SEMA5A: variants seen among roughly 807,000 people sequenced by gnomAD.
SEMA5A encodes semaphorin-5A.
Under a neutral mutation model 135.5 loss-of-function variants are expected in SEMA5A, and 55 were observed. That is an observed-to-expected ratio of 0.41 (90% confidence interval 0.33 to 0.51). The LOEUF is 0.51. SEMA5A is among the 20% of genes least tolerant of loss of function. The pLI is 0.37. For synonymous variants in SEMA5A, 580 were observed against 546.5 expected (o/e 1.06, Z -0.85); for missense variants, 1,290 against 1,419.9 (o/e 0.91, Z 1.47).
At chr5:9,276,893 T>C (rs112817082) in intron 5 of SEMA5A, among the ~76,000 whole-genome samples, 2 of 152,118 alleles carry the variant, frequency 1.3e-5, no homozygotes, top group African/African-American at 2.4e-5. Context: ...ATGCAGGACA[T>C]AGGCATGGGC....
intron 16 of SEMA5A, among the ~76,000 whole-genome samples, chr5:9,104,705 G>A (rs1739811895): frequency 6.6e-6 from 1 of 152,168 alleles, no homozygotes. Flanking sequence ...GTGACTCAGA[G>A]GCAGAGCCCC....
chr5:9,497,517 C>A (rs886619394), intron 1 of SEMA5A, among the ~76,000 whole-genome samples: 1 of 152,138 alleles, frequency 6.6e-6, no homozygotes, highest in African/African-American at 2.4e-5. Flanking sequence ...TGAGACTTGA[C>A]GTCGAGTGGC....
intron 3 of SEMA5A, among the ~76,000 whole-genome samples, chr5:9,377,696 A>G (rs940311886): frequency 1.3e-5 from 2 of 152,220 alleles, no homozygotes; most frequent in East Asian, 3.8e-4. Flanking sequence ...GATTTTGTGC[A>G]AGGAAGAAAT....
intron 3 of SEMA5A, among the ~76,000 whole-genome samples, chr5:9,353,354 G>GGGAAGGGAAGGAAAGGAAAGGA (rs1754288041): frequency 1.8e-5 from 1 of 54,366 alleles, no homozygotes; most frequent in Non-Finnish European, 3.6e-5. Context: ...AAAGGAAAGG[G>GGGAAGGGAAGGAAAGGAAAGGA]AAGGAAAGGA....
At chr5:9,402,462 C>A (rs139396307) in intron 2 of SEMA5A, among the ~76,000 whole-genome samples, 8 of 151,972 alleles carry the variant, frequency 5.3e-5, no homozygotes, top group African/African-American at 1.7e-4. Context: ...TACTAATCTT[C>A]GGTAATTCTC....
At chr5:9,088,770 C>G (rs1032870452) in intron 16 of SEMA5A, among the ~76,000 whole-genome samples, 4 of 151,552 alleles carry the variant, frequency 2.6e-5, no homozygotes, top group African/African-American at 9.7e-5. Flanking sequence ...AGGCACTGGG[C>G]TAATTAGTAT....
intron 1 of SEMA5A, among the ~76,000 whole-genome samples, chr5:9,498,066 G>A (rs1041830919): frequency 1.1e-4 from 17 of 152,144 alleles, no homozygotes; most frequent in African/African-American, 3.9e-4. Context: ...TGTATACTAC[G>A]ATGTTTTGAT....
chr5:9,531,387 A>G (rs1262361529), intron 1 of SEMA5A, among the ~76,000 whole-genome samples: 1 of 152,152 alleles, frequency 6.6e-6, no homozygotes, highest in East Asian at 1.9e-4. Context: ...GTGGCTGTGT[A>G]CCCTGAGCTG....
chr5:9,418,123 C>T (rs941948378), intron 2 of SEMA5A, among the ~76,000 whole-genome samples: 27 of 152,054 alleles, frequency 1.8e-4, no homozygotes, highest in Non-Finnish European at 1.5e-5. Context: ...ACTACAGGTG[C>T]CCGCTACCAT....
chr5:9,465,493 T>C (rs569770899), intron 1 of SEMA5A, among the ~76,000 whole-genome samples: 3 of 152,306 alleles, frequency 2.0e-5, no homozygotes, highest in East Asian at 3.9e-4. Context: ...GGATGGAAAG[T>C]AATTGGGATA....
chr5:9,386,828 C>A (rs1192724011), intron 2 of SEMA5A, among the ~76,000 whole-genome samples: 2 of 152,194 alleles, frequency 1.3e-5, no homozygotes, highest in Non-Finnish European at 2.9e-5. Flanking sequence ...GAATTGGCTG[C>A]CTGAATGAAC....
At chr5:9,369,063 T>G (rs547496176) in intron 3 of SEMA5A, among the ~76,000 whole-genome samples, 2 of 152,338 alleles carry the variant, frequency 1.3e-5, no homozygotes, top group East Asian at 3.9e-4. Context: ...TGCCAACACT[T>G]GGTATTGTCA....
At chr5:9,496,732 C>A (rs964964966) in intron 1 of SEMA5A, among the ~76,000 whole-genome samples, 1 of 152,268 alleles carries the variant, frequency 6.6e-6, no homozygotes, top group Non-Finnish European at 1.5e-5. Flanking sequence ...AAAAAAATGA[C>A]CATCCTGGAG....
intron 1 of SEMA5A, among the ~76,000 whole-genome samples, chr5:9,539,174 G>A (rs532376440): frequency 2.2e-4 from 33 of 152,270 alleles, no homozygotes; most frequent in African/African-American, 7.9e-4. Context: ...TTATGGGTTT[G>A]CCTTTTCTGG....
intron 1 of SEMA5A, among the ~76,000 whole-genome samples, chr5:9,538,259 C>CTT (rs67571454): frequency 1.3e-5 from 2 of 151,122 alleles, no homozygotes; most frequent in South Asian, 2.1e-4. Context: ...TTTGATTCTT[C>CTT]TCTAAGAGCG....
At chr5:9,479,695 A>T (rs745628175) in intron 1 of SEMA5A, among the ~76,000 whole-genome samples, 1 of 152,218 alleles carries the variant, frequency 6.6e-6, no homozygotes, top group East Asian at 1.9e-4. Flanking sequence ...TTCTCCCTTC[A>T]TACCAGGATT....
chr5:9,043,750 C>T (rs1313217431), intron 22 of SEMA5A, among the ~76,000 whole-genome samples: 1 of 152,222 alleles, frequency 6.6e-6, no homozygotes, highest in African/African-American at 2.4e-5. Flanking sequence ...CGTCCTTTAT[C>T]TTCATGAGAG....
At chr5:9,049,812 A>G (rs532867169) in intron 21 of SEMA5A, among the ~76,000 whole-genome samples, 129 of 152,328 alleles carry the variant, frequency 8.5e-4, no homozygotes, top group Middle Eastern at 3.4e-3. Flanking sequence ...TGTAAAGTCC[A>G]AATTTATCAT....
intron 19 of SEMA5A, 29 bp from the exon 20 acceptor site, chr5:9,052,057 G>A: frequency 6.5e-7 from 1 of 1,542,576 alleles, no homozygotes; most frequent in Non-Finnish European, 8.7e-7. Flanking sequence ...GGGAGATGGG[G>A]CGGAATGGCC....
Sources: gnomAD v4.1 joint callset for allele counts (sites outside exome capture counted in the v4.1 genomes callset) on GRCh38, gnomAD v4.1.1 for gene constraint, MANE v1.5 for transcripts, NCBI Gene and HGNC (gene_info 2026-07-23, HGNC 2026-07-21) for gene names.